Variants in GRM8 observed in about 807,000 individuals in gnomAD.
GRM8 encodes metabotropic glutamate receptor 8.
GRM8 carries 47 observed loss-of-function variants against 87.2 expected under a neutral mutation model. That is an observed-to-expected ratio of 0.54 (90% CI 0.43 to 0.69). GRM8 has a LOEUF of 0.69. Ranked by LOEUF, GRM8 falls within the 30% of genes least tolerant of loss-of-function variation. The pLI is 0.00. For missense variants in GRM8, 1,019 were observed against 1,139.2 expected (o/e 0.89, Z 1.52); for synonymous variants, 396 against 404.5 (o/e 0.98, Z 0.25).
chr7:126,801,241 T>A (rs1240957819), intron 6 of GRM8, among the ~76,000 whole-genome samples: 1 of 152,102 alleles, frequency 6.6e-6, no homozygotes, highest in Non-Finnish European at 1.5e-5. Flanking sequence ...TGCCAACATT[T>A]AAAAAAACTT....
chr7:127,230,899 C>G (rs1797649355), intron 2 of GRM8, among the ~76,000 whole-genome samples: 1 of 152,172 alleles, frequency 6.6e-6, no homozygotes, highest in Non-Finnish European at 1.5e-5. Flanking sequence ...ATTGAGAAAC[C>G]TTGGCTGATA....
chr7:126,546,307 G>A (rs1049460535), intron 8 of GRM8, among the ~76,000 whole-genome samples: 115 of 152,142 alleles, frequency 7.6e-4, no homozygotes, highest in Non-Finnish European at 1.6e-4. Flanking sequence ...ATGTCCAATA[G>A]ATTCGAGTCC....
At chr7:127,105,779 A>G (rs1418433632) in intron 3 of GRM8, among the ~76,000 whole-genome samples, 1 of 152,226 alleles carries the variant, frequency 6.6e-6, no homozygotes, top group East Asian at 1.9e-4. Flanking sequence ...TCAGCAGTTA[A>G]GATTTGTGCT....
chr7:126,980,596 A>T (rs1811423927), intron 3 of GRM8, among the ~76,000 whole-genome samples: 1 of 152,216 alleles, frequency 6.6e-6, no homozygotes, highest in South Asian at 2.1e-4. Context: ...CTTTTCAATC[A>T]TCAGTTTTAA....
At chr7:126,729,153 C>T (rs530017841) in intron 7 of GRM8, among the ~76,000 whole-genome samples, 5 of 152,296 alleles carry the variant, frequency 3.3e-5, no homozygotes, top group African/African-American at 1.2e-4. Flanking sequence ...TATTCACCCT[C>T]CCTTTGCTTC....
chr7:126,540,068 T>A (rs1387522446), intron 8 of GRM8, among the ~76,000 whole-genome samples: 2 of 152,114 alleles, frequency 1.3e-5, no homozygotes, highest in African/African-American at 4.8e-5. Flanking sequence ...AAGGGATTTG[T>A]ATCCAGAATA....
intron 6 of GRM8, among the ~76,000 whole-genome samples, chr7:126,783,025 T>A (rs765320218): frequency 2.0e-5 from 3 of 152,174 alleles, no homozygotes; most frequent in African/African-American, 4.8e-5. Context: ...CCTCTGCTTC[T>A]ATCAGACATC....
intron 8 of GRM8, among the ~76,000 whole-genome samples, chr7:126,563,853 T>G (rs533048980): frequency 6.6e-6 from 1 of 152,306 alleles, no homozygotes; most frequent in South Asian, 2.1e-4. Flanking sequence ...ATGCATGAAA[T>G]TTATTGATTT....
At chr7:126,892,382 C>T (rs1222399071) in intron 6 of GRM8, among the ~76,000 whole-genome samples, 11 of 151,922 alleles carry the variant, frequency 7.2e-5, no homozygotes, top group Admixed American at 2.0e-4. Context: ...TGAGAACACG[C>T]GGTGTTTGGT....
chr7:126,668,370 G>T (rs1806021827), intron 7 of GRM8, among the ~76,000 whole-genome samples: 1 of 152,134 alleles, frequency 6.6e-6, no homozygotes, highest in African/African-American at 2.4e-5. Flanking sequence ...GAGTGAAATG[G>T]GGACTGAAAC....
intron 6 of GRM8, among the ~76,000 whole-genome samples, chr7:126,786,195 GTT>G (rs1027340756): frequency 6.6e-6 from 1 of 152,008 alleles, no homozygotes; most frequent in African/African-American, 2.4e-5. Context: ...ACAATTTCTA[GTT>G]TTCTTGTGCC....
intron 2 of GRM8, among the ~76,000 whole-genome samples, chr7:127,184,572 T>C (rs1794640852): frequency 6.6e-6 from 1 of 151,920 alleles, no homozygotes; most frequent in African/African-American, 2.4e-5. Flanking sequence ...TCTAAGATCA[T>C]GAACAAGGCA....
At chr7:126,937,467 C>T (rs560477770) in intron 3 of GRM8, among the ~76,000 whole-genome samples, 23 of 152,254 alleles carry the variant, frequency 1.5e-4, no homozygotes, top group African/African-American at 5.5e-4. Context: ...GGTTCCCAAA[C>T]CTGCACCAGT....
intron 2 of GRM8, among the ~76,000 whole-genome samples, chr7:127,204,372 A>G (rs1195636626): frequency 3.9e-5 from 6 of 152,224 alleles, no homozygotes; most frequent in Non-Finnish European, 4.4e-5. Flanking sequence ...TGCAGCAGCT[A>G]AATGTCAGAG....
At chr7:127,104,566 TATTA>T (rs1387456000) in intron 3 of GRM8, among the ~76,000 whole-genome samples, 1 of 152,234 alleles carries the variant, frequency 6.6e-6, no homozygotes, top group Non-Finnish European at 1.5e-5. Context: ...GTATTCTGCA[TATTA>T]ATTAACAATC....
chr7:126,918,148 G>C (rs993310868), intron 3 of GRM8, among the ~76,000 whole-genome samples: 3 of 152,200 alleles, frequency 2.0e-5, no homozygotes, highest in Admixed American at 6.5e-5. Flanking sequence ...TTTGGCAACT[G>C]TAAGTAAGAT....
At chr7:126,440,575 T>C (rs1413506541) in intron 10 of GRM8, among the ~76,000 whole-genome samples, 4 of 152,118 alleles carry the variant, frequency 2.6e-5, no homozygotes, top group African/African-American at 9.7e-5. Flanking sequence ...TCTTGTATAC[T>C]CTATTTTTAC....
At position 127,012,423 on chromosome 7, in the gene GRM8, T is replaced by C. The variant is rs148105453; in HGVS notation, c.727+94073A>G. 2.4e-4 allele frequency among the ~76,000 whole-genome samples: 36 copies of C among 152,292 alleles called. No individual in the cohort carries two copies. The East Asian group carries it at 4.4e-3, about 19-fold the overall frequency. ...ATTCCTAGGATTTCAGTATCTTATG[T>C]GACAGCTTTATCTAATTTTCCTTTC... On this transcript the variant is annotated intron_variant, in intron 3 of 10. Transcript: ENST00000339582.
At chr7:126,983,003 G>A (rs998267493) in intron 3 of GRM8, among the ~76,000 whole-genome samples, 4 of 152,164 alleles carry the variant, frequency 2.6e-5, no homozygotes, top group African/African-American at 9.7e-5. Flanking sequence ...CCTCTGTTGT[G>A]TAGTAGTAGA....
Sources: gnomAD v4.1 joint callset for allele counts (sites outside exome capture counted in the v4.1 genomes callset) on GRCh38, gnomAD v4.1.1 for gene constraint, MANE v1.5 for transcripts, NCBI Gene and HGNC (gene_info 2026-07-23, HGNC 2026-07-21) for gene names.